The following ZNF677 variants were observed in gnomAD, a reference collection of about 807,000 sequenced individuals.
The protein encoded by ZNF677 is zinc finger protein 677.
A neutral mutation model predicts 8.1 loss-of-function variants in ZNF677; 5 were observed. The ratio of observed to expected loss-of-function variants is 0.62; its 90% CI spans 0.32 to 1.29. The LOEUF is 1.29. ZNF677 is among the 50% of genes most tolerant of loss of function. ZNF677 has a pLI of 0.05. For missense variants in ZNF677, 685 were observed against 685.9 expected (o/e 1.00, Z 0.01); for synonymous variants, 221 against 225.6 (o/e 0.98, Z 0.18).
At chr19:53,251,500 G>C in intron 3 of ZNF677, 36 bp downstream of exon 3, 1 of 1,581,180 alleles carries the variant, frequency 6.3e-7, no homozygotes, top group Non-Finnish European at 8.7e-7. Flanking sequence ...TCAGGAAGGA[G>C]AGGACAAAAC....
In ZNF677 at chr19:53,251,624, T is replaced by C; in HGVS notation, c.-55-19A>G. The stretch of plus-strand genomic sequence containing the variant: ...AGTCAGTCTGTATGTCAAAAATATG[T>C]TGTTTAATGCTTAAAATCAACACAC... On this transcript the variant is annotated intron_variant, in intron 2 of 4. Coordinates refer to ENST00000598513, the MANE Select transcript of ZNF677 (RefSeq NM_182609.4). The C allele has an allele frequency of 6.3e-7, 1 of 1,595,812 alleles. No individual in the cohort carries two copies. Among genetic ancestry groups the C allele is most frequent in the South Asian group, 1.1e-5 (1 of 89,794 alleles).
intron 4 of ZNF677, chr19:53,243,327 AAG>A (rs1463398099): frequency 5.1e-5 from 11 of 214,668 alleles, no homozygotes; most frequent in Non-Finnish European, 8.1e-5. Context: ...TTCAGCTACG[AAG>A]AGAGGACATT....
At chr19:53,252,173 C>G (rs2091245680) in intron 2 of ZNF677, among the ~76,000 whole-genome samples, 1 of 152,228 alleles carries the variant, frequency 6.6e-6, no homozygotes, top group Admixed American at 6.5e-5. Context: ...GCCCCGACCC[C>G]TTTCCTAGTA....
In ZNF677 at chr19:53,237,402, T is replaced by G; in HGVS notation, c.1325A>C (p.Gln442Pro). 4.3e-6 allele frequency: 7 copies of G among 1,614,120 alleles called. No homozygotes were observed. The highest frequency in any genetic ancestry group is 5.9e-6 in the Non-Finnish European group (7 of 1,180,020). ...CTGATGTTCCACAAGACTTGAACTT[T>G]GGATAAAAGCCCTGCCACACACATT... Reference protein sequence around the residue: ...KCNVCGRAFIQSSSLVEHQRI... With the variant: ...KCNVCGRAFIPSSSLVEHQRI... Residue 442 changes from glutamine to proline, a missense_variant, in exon 5 of 5, where the codon CAA (glutamine) becomes CCA (proline). Physicochemically the swap from Gln to Pro is moderately conservative, Grantham distance 76. Coordinates refer to ENST00000598513, the MANE Select transcript of ZNF677 (RefSeq NM_182609.4).
rs143884875 is a variant in ZNF677 at position 53,237,315 on chromosome 19, C to A, written c.1412G>T (p.Arg471Leu). 485 of 1,613,350 alleles carry A rather than the reference C, an allele frequency of 3.0e-4. No individual in the cohort carries two copies. The highest frequency in any genetic ancestry group is 3.6e-4 in the Non-Finnish European group (426 of 1,179,804). The part of the protein sequence containing the change: ...CNKCDKAFIK[R>L]SHLWGHQRTH... Reference sequence around the variant, plus strand: ...TCTCTGATGACCCCAAAGGTGTGAACGTTTGATAAAAGCTTTATCACATTT... The same window carrying A: ...TCTCTGATGACCCCAAAGGTGTGAAAGTTTGATAAAAGCTTTATCACATTT... The change falls in exon 5 of 5, where the codon CGT becomes CTT. Residue 471 changes from arginine to leucine, a missense_variant. Arg to Leu is a moderately radical substitution (Grantham distance 102). Transcript: ENST00000598513.
chr19:53,245,338 G>A (rs977684614), intron 3 of ZNF677, among the ~76,000 whole-genome samples: 4 of 151,960 alleles, frequency 2.6e-5, no homozygotes, highest in Non-Finnish European at 5.9e-5. Context: ...AGAACAAAAA[G>A]GCAACTTATG....
At chr19:53,244,882 G>T (rs1396589876) in intron 3 of ZNF677, among the ~76,000 whole-genome samples, 1 of 152,098 alleles carries the variant, frequency 6.6e-6, no homozygotes, top group African/African-American at 2.4e-5. Flanking sequence ...AAACAGTATG[G>T]TACTGGCATA....
At position 53,238,043 on chromosome 19, in the gene ZNF677, T is replaced by G; in HGVS notation, c.684A>C (p.Pro228=). Residue 228 remains proline, a synonymous_variant, in exon 5 of 5, where the codon CCA becomes CCC. Transcript: ENST00000598513. ...EKSINSSSVS[P]LPPCVKNICN... is the part of the protein sequence containing the mutation. ...AAATGTTTTTGACACAAGGAGGAAG[T>G]GGTGAAACTGAGGAACTATTGATAG... is the stretch of plus-strand genomic sequence containing the variant. 6.2e-7 allele frequency: 1 copy of G among 1,613,994 alleles called. No homozygotes were observed. Among genetic ancestry groups the G allele is most frequent in the South Asian group, 1.1e-5 (1 of 91,066 alleles).
At chr19:53,239,592 A>C (rs2091016359) in intron 4 of ZNF677, 1 of 152,192 alleles carries the variant, frequency 6.6e-6, no homozygotes, top group Non-Finnish European at 1.5e-5. Flanking sequence ...GAGTCAGAGA[A>C]ATGTTGATAT....
intron 4 of ZNF677, chr19:53,239,669 AAC>A (rs1328532850): frequency 2.9e-5 from 4 of 138,700 alleles, no homozygotes; most frequent in African/African-American, 1.1e-4. Context: ...TCTCATAAGA[AAC>A]ATGACAGACA....
At position 53,236,817 on chromosome 19, in the gene ZNF677, G is replaced by T; in HGVS notation, c.*155C>A. 4 of 602,172 alleles carry T rather than the reference G, an allele frequency of 6.6e-6. No individual in the cohort carries two copies. Among genetic ancestry groups the T allele is most frequent in the Non-Finnish European group, 1.1e-5 (4 of 372,036 alleles). The allele number at this position is 602,172 out of a possible 1,614,324, so 37.3% of individuals were successfully genotyped here. ...TAAGAATTCTATGATGTTCCACAAG[G>T]CTTGAACTTTGGATAAGCCTTGCCA... On this transcript the variant is annotated 3_prime_UTR_variant, in exon 5 of 5. Coordinates refer to ENST00000598513, the MANE Select transcript of ZNF677 (RefSeq NM_182609.4).
At chr19:53,239,662 CAT>C in intron 4 of ZNF677, 1 of 138,838 alleles carries the variant, frequency 7.2e-6, no homozygotes, top group Admixed American at 7.1e-5. Context: ...AGGTCAATCT[CAT>C]AAGAAACATG....
intron 3 of ZNF677, among the ~76,000 whole-genome samples, chr19:53,246,324 A>AAAAAAAAAAAAAAAAG (rs1365925263): frequency 6.6e-6 from 1 of 151,540 alleles, no homozygotes. Flanking sequence ...TCCCAAAAAA[A>AAAAAAAAAAAAAAAAG]AAGCGACCAT....
chr19:53,252,609 T>C (rs1207070607), intron 2 of ZNF677, among the ~76,000 whole-genome samples: 1 of 152,146 alleles, frequency 6.6e-6, no homozygotes, highest in Middle Eastern at 3.2e-3. Flanking sequence ...TACAAATAGC[T>C]ATTACTCTTG....
At chr19:53,248,876 A>C (rs3111320) in intron 3 of ZNF677, among the ~76,000 whole-genome samples, 111,549 of 151,998 alleles carry the variant, frequency 0.73, 41,385 homozygotes, top group African/African-American at 0.84. Context: ...ATTTCTTCAA[A>C]TATTCTTTCT....
intron 2 of ZNF677, among the ~76,000 whole-genome samples, chr19:53,252,711 C>G (rs1425496309): frequency 1.3e-5 from 2 of 152,140 alleles, no homozygotes; most frequent in Non-Finnish European, 2.9e-5. Context: ...AATTCCACAC[C>G]AATCCAGGCC....
intron 4 of ZNF677, 114 bp downstream of exon 4, chr19:53,243,630 C>A: frequency 7.1e-7 from 1 of 1,409,754 alleles, no homozygotes; most frequent in South Asian, 1.3e-5. Flanking sequence ...TTTCCACTCT[C>A]AATCAAAAAG....
chr19:53,253,045 A>G (rs1213941067), intron 2 of ZNF677, 41 bp downstream of exon 2: 1 of 152,236 alleles, frequency 6.6e-6, no homozygotes, highest in Non-Finnish European at 1.5e-5. Context: ...AGAAAAGATA[A>G]TGTGATTAAG....
Position 53,251,619 on chromosome 19 carries a change from A to G in ZNF677, c.-55-14T>C. On this transcript the variant is annotated splice_polypyrimidine_tract_variant and intron_variant, in intron 2 of 4. Coordinates refer to ENST00000598513, the MANE Select transcript of ZNF677 (RefSeq NM_182609.4). ...AGGTAAGTCAGTCTGTATGTCAAAA[A>G]TATGTTGTTTAATGCTTAAAATCAA... 2 of 1,605,384 alleles carry G rather than the reference A, an allele frequency of 1.2e-6. No individual in the cohort carries two copies. The highest frequency in any genetic ancestry group is 1.1e-5 in the South Asian group (1 of 90,256).
Sources: allele counts gnomAD v4.1 joint callset (sites outside exome capture counted in the v4.1 genomes callset), GRCh38; gene constraint gnomAD v4.1.1; transcripts MANE v1.5; gene names NCBI Gene and HGNC (gene_info 2026-07-23, HGNC 2026-07-21).